The following IFT74 variants were observed in gnomAD, a reference collection of about 807,000 sequenced individuals.
The protein encoded by IFT74 is intraflagellar transport protein 74 homolog.
A neutral mutation model predicts 96.7 loss-of-function variants in IFT74; 92 were observed. The observed-to-expected ratio is 0.95, with a 90% CI of 0.80 to 1.13. The LOEUF is 1.13. IFT74 is among the 50% of genes most tolerant of loss of function. The pLI, the probability that IFT74 is intolerant of heterozygous loss-of-function variation, is 0.00. For missense variants in IFT74, 811 were observed against 698.2 expected (o/e 1.16, Z -1.82); for synonymous variants, 223 against 213.2 (o/e 1.05, Z -0.40).
chr9:27,055,647 C>T lies in IFT74; in HGVS notation c.1372C>T (p.Leu458Phe), dbSNP rs1820127288. 6.3e-7 allele frequency: 1 copy of T among 1,586,688 alleles called. No homozygotes were observed. The highest frequency in any genetic ancestry group is 1.2e-5 in the South Asian group (1 of 85,626). ...GCAGTTGGATCTGCAGAAAATGGAG[C>T]TTCTAGAAAGTAAGATGACTGAAGA... ...RLQLDLQKME[L>F]LESKMTEEQH... The change falls in exon 17 of 20, where the codon CTT (leucine) becomes TTT (phenylalanine). Residue 458 changes from leucine (L) to phenylalanine (F), a missense_variant. Physicochemically the swap from Leu to Phe is conservative, Grantham distance 22 (BLOSUM62 0). Transcript: ENST00000380062.
intron 13 of IFT74, chr9:27,036,742 G>T (rs1819218976): frequency 8.1e-7 from 1 of 1,228,858 alleles, no homozygotes; most frequent in African/African-American, 1.6e-5. Flanking sequence ...TACAGACTAA[G>T]AGAGAGCGTA....
rs1303485702 is a variant in IFT74, at chr9:26,980,561, T to TC, written c.257-10_257-9insC. The TC allele has an allele frequency of 6.3e-7, 1 of 1,583,098 alleles. No individual in the cohort carries two copies. The highest frequency in any genetic ancestry group is 1.3e-5 in the African/African-American group (1 of 74,166). On this transcript the variant is annotated splice_polypyrimidine_tract_variant and intron_variant, in intron 3 of 19. Transcript: ENST00000380062. The stretch of plus-strand genomic sequence containing the variant: ...AACTGAACACTAACACTTAAAACAT[T>TC]TTTTTTTAGGTCCCCAGAGGCAAAT...
At chr9:26,996,091 A>G (rs1176194998) in intron 8 of IFT74, among the ~76,000 whole-genome samples, 1 of 152,200 alleles carries the variant, frequency 6.6e-6, no homozygotes, top group African/African-American at 2.4e-5. Context: ...TGACTAGACT[A>G]GTTAAAACAA....
chr9:26,995,690 G>A lies in IFT74; in HGVS notation c.587+5495G>A, dbSNP rs762614812. The A allele has an allele frequency of 1.6e-5, 26 of 1,613,668 alleles. No individual in the cohort carries two copies. Among genetic ancestry groups the A allele is most frequent in the Admixed American group, 1.3e-4 (8 of 59,974 alleles). On this transcript the variant is annotated intron_variant, in intron 8 of 19. Coordinates refer to ENST00000380062, the MANE Select transcript of IFT74 (RefSeq NM_025103.4). ...ATTTCCAGTAAAACCATCTTCATAG[G>A]TTTCTGCTTCATGCTCTTCCAGGCG...
intron 8 of IFT74, among the ~76,000 whole-genome samples, chr9:27,007,003 A>AT (rs1223331924): frequency 3.3e-5 from 5 of 151,308 alleles, no homozygotes; most frequent in Middle Eastern, 3.4e-3. Context: ...CGCCCAGCTA[A>AT]TTTTTTTGTA....
chr9:27,041,510 A>C (rs1288528667), intron 13 of IFT74, among the ~76,000 whole-genome samples: 1 of 152,114 alleles, frequency 6.6e-6, no homozygotes, highest in African/African-American at 2.4e-5. Context: ...GCGCACATCA[A>C]ATGCTCCGAA....
intron 9 of IFT74, among the ~76,000 whole-genome samples, chr9:27,011,433 GTGTA>G (rs1183168485): frequency 6.6e-6 from 1 of 152,160 alleles, no homozygotes; most frequent in African/African-American, 2.4e-5. Context: ...TTACATATAT[GTGTA>G]TGTATGTGTG....
intron 4 of IFT74, among the ~76,000 whole-genome samples, chr9:26,982,660 G>A (rs1827438762): frequency 6.6e-6 from 1 of 151,930 alleles, no homozygotes; most frequent in African/African-American, 2.4e-5. Context: ...TCTCAATGTT[G>A]GTCAGGCTGG....
At chr9:27,019,810 T>C (rs1212022252) in intron 12 of IFT74, among the ~76,000 whole-genome samples, 1 of 152,040 alleles carries the variant, frequency 6.6e-6, no homozygotes, top group African/African-American at 2.4e-5. Context: ...GTGGAATTGC[T>C]GACTCATGAC....
At chr9:27,021,757 A>G (rs964593158) in intron 12 of IFT74, among the ~76,000 whole-genome samples, 1 of 152,016 alleles carries the variant, frequency 6.6e-6, no homozygotes, top group Admixed American at 6.6e-5. Context: ...ACAGTTTAGG[A>G]AAGTTTTCTC....
At chr9:27,038,396 G>C (rs1563994544) in intron 13 of IFT74, among the ~76,000 whole-genome samples, 1 of 152,120 alleles carries the variant, frequency 6.6e-6, no homozygotes. Flanking sequence ...CTGAGTAGCT[G>C]GAATTACAGG....
At chr9:26,968,070 T>TG (rs1408955740) in intron 2 of IFT74, among the ~76,000 whole-genome samples, 1 of 150,462 alleles carries the variant, frequency 6.6e-6, no homozygotes, top group Non-Finnish European at 1.5e-5. Flanking sequence ...TCTTGTCTTT[T>TG]TTTTTTTTTT....
intron 9 of IFT74, among the ~76,000 whole-genome samples, chr9:27,009,995 A>C (rs911178199): frequency 1.3e-5 from 2 of 151,788 alleles, no homozygotes; most frequent in African/African-American, 4.8e-5. Flanking sequence ...AATTTAAAAA[A>C]AATTTTTTTT....
intron 6 of IFT74, among the ~76,000 whole-genome samples, chr9:26,986,016 T>G (rs1490578066): frequency 1.3e-5 from 2 of 152,212 alleles, no homozygotes; most frequent in Non-Finnish European, 2.9e-5. Context: ...TTGGGTGATA[T>G]TGGCCCCATG....
chr9:26,999,593 A>G (rs1297689243), intron 8 of IFT74: 5 of 1,506,860 alleles, frequency 3.3e-6, no homozygotes, highest in East Asian at 2.3e-5. Context: ...TATTTTTACT[A>G]TTTTGATTGT....
In IFT74 at chr9:26,987,110, C is replaced by T. The variant is rs149172736; in HGVS notation, c.466-1559C>T. On this transcript the variant is annotated intron_variant, in intron 6 of 19. Coordinates refer to ENST00000380062, the MANE Select transcript of IFT74 (RefSeq NM_025103.4). The stretch of plus-strand genomic sequence containing the variant: ...TGTCATCCAGGCCGGAGTGCAGTGG[C>T]GTGATCTTGGCTCACTGTAACCTCC... Among the ~76,000 whole-genome samples, 39 of 152,028 alleles carry T rather than the reference C, an allele frequency of 2.6e-4. No individual in the cohort carries two copies. In the East Asian group the frequency reaches 7.0e-3, roughly 27 times the overall value.
At chr9:27,057,362 T>C (rs961417531) in intron 18 of IFT74, among the ~76,000 whole-genome samples, 8 of 152,214 alleles carry the variant, frequency 5.3e-5, no homozygotes, top group African/African-American at 1.9e-4. Context: ...AATGTCTGTC[T>C]CGTTTACTTT....
At chr9:26,982,546 C>T (rs1348978753) in intron 4 of IFT74, 1 of 288,522 alleles carries the variant, frequency 3.5e-6, no homozygotes, top group Non-Finnish European at 6.9e-6. Context: ...ACCTCCGCCT[C>T]CCGGGTTCAA....
intron 13 of IFT74, among the ~76,000 whole-genome samples, chr9:27,032,795 G>A (rs1195045799): frequency 1.3e-5 from 2 of 151,966 alleles, no homozygotes; most frequent in African/African-American, 4.8e-5. Flanking sequence ...GAACTCGGGA[G>A]GCAGAGGTTG....
Sources: allele counts gnomAD v4.1 joint callset (sites outside exome capture counted in the v4.1 genomes callset), GRCh38; gene constraint gnomAD v4.1.1; transcripts MANE v1.5; gene names NCBI Gene and HGNC (gene_info 2026-07-23, HGNC 2026-07-21).